The following SYNE1 variants were observed in gnomAD, a reference collection of about 807,000 sequenced individuals.
SYNE1 encodes spectrin repeat containing nuclear envelope protein 1.
In SYNE1, 616 loss-of-function variants were observed where a neutral mutation model predicts 1,111.0. The ratio of observed to expected loss-of-function variants is 0.55; its 90% CI spans 0.52 to 0.59. The LOEUF (loss-of-function observed/expected upper bound fraction) is 0.59. Ranked by LOEUF, SYNE1 falls within the 20% of genes least tolerant of loss-of-function variation. The pLI is 0.00. For missense variants in SYNE1, 10,006 were observed against 10,417.0 expected (o/e 0.96, Z 1.72); for synonymous variants, 3,855 against 3,825.8 (o/e 1.01, Z -0.28).
intron 32 of SYNE1, among the ~76,000 whole-genome samples, chr6:152,440,360 T>G (rs1283776845): frequency 6.6e-6 from 1 of 152,156 alleles, no homozygotes; most frequent in Admixed American, 6.5e-5. Context: ...AAAGTAATGC[T>G]TTAGGTCTTC....
At position 152,151,949 on chromosome 6, in the gene SYNE1, T is replaced by G; in HGVS notation, c.24312+10A>C. On this transcript the variant is annotated intron_variant, in intron 134 of 145. Transcript: ENST00000367255. ...TGGCCTCTAAATTACAGATGAGGCA[T>G]AGCAAAAACCTTGAGTCTGCGCAAG... 6.2e-7 allele frequency: 1 copy of G among 1,614,068 alleles called. No homozygotes were observed. The highest frequency in any genetic ancestry group is 8.5e-7 in the Non-Finnish European group (1 of 1,179,990).
At chr6:152,526,246 C>G (rs2099163146) in intron 4 of SYNE1, 71 bp from the exon 5 acceptor site, 3 of 1,477,078 alleles carry the variant, frequency 2.0e-6, no homozygotes, top group Non-Finnish European at 2.8e-6. Context: ...CTCTCTCTCA[C>G]CTTTGTTACT....
chr6:152,397,010 A>G (rs754887205), intron 49 of SYNE1, 30 bp from the exon 50 acceptor site: 1 of 1,601,944 alleles, frequency 6.2e-7, no homozygotes, highest in South Asian at 1.1e-5. Context: ...TAATAGGTCC[A>G]TGGGACTATG....
At chr6:152,454,613 A>T (rs1420733432) in intron 24 of SYNE1, among the ~76,000 whole-genome samples, 1 of 152,236 alleles carries the variant, frequency 6.6e-6, no homozygotes, top group African/African-American at 2.4e-5. Context: ...ACACATGCAC[A>T]TATTACATAT....
At chr6:152,384,549 T>A (rs1040998544) in intron 55 of SYNE1, among the ~76,000 whole-genome samples, 1 of 152,208 alleles carries the variant, frequency 6.6e-6, no homozygotes, top group Non-Finnish European at 1.5e-5. Context: ...TCATAAGATT[T>A]AAATAAGATA....
At chr6:152,348,465 A>G (rs1225717995) in intron 72 of SYNE1, among the ~76,000 whole-genome samples, 1 of 152,182 alleles carries the variant, frequency 6.6e-6, no homozygotes, top group African/African-American at 2.4e-5. Flanking sequence ...CTGGTGGATC[A>G]CCTGAGGTCA....
chr6:152,147,192 G>C (rs1240069838), intron 137 of SYNE1: 1 of 152,226 alleles, frequency 6.6e-6, no homozygotes, highest in African/African-American at 2.4e-5. Context: ...AGTCTTCTCT[G>C]TGTGATTTCT....
Position 152,145,368 on chromosome 6 carries a change from A to T in SYNE1, c.24977-1603T>A, listed in dbSNP as rs537468330. ...TTTTCTAGTACAGCAGTAAGAGAGG[A>T]AGGCTGTGCCTTAACATGCTAGAGC... On this transcript the variant is annotated intron_variant, in intron 137 of 145. Coordinates refer to ENST00000367255, the MANE Select transcript of SYNE1 (RefSeq NM_182961.4). 43 of 924,316 alleles carry T rather than the reference A, an allele frequency of 4.7e-5. No homozygotes were observed. In the East Asian group the frequency reaches 1.1e-3, roughly 23 times the overall value. The allele number at this position is 924,316 out of a possible 1,614,324, so 57.3% of individuals were successfully genotyped here. A position where few individuals can be genotyped will look rare whatever the true frequency, so the allele number is the denominator to read the frequency against.
At chr6:152,620,685 G>A (rs899904955) in intron 3 of SYNE1, among the ~76,000 whole-genome samples, 5 of 151,896 alleles carry the variant, frequency 3.3e-5, no homozygotes, top group Admixed American at 6.6e-5. Flanking sequence ...CCCATCCACC[G>A]TTCAACCCAT....
chr6:152,576,521 C>T (rs1428403050), intron 3 of SYNE1, among the ~76,000 whole-genome samples: 1 of 152,174 alleles, frequency 6.6e-6, no homozygotes. Flanking sequence ...CTTGTTAGAT[C>T]TGTCAGAGGT....
intron 128 of SYNE1, among the ~76,000 whole-genome samples, chr6:152,183,954 T>C (rs956630196): frequency 4.0e-5 from 6 of 149,658 alleles, no homozygotes; most frequent in Non-Finnish European, 6.0e-5. Flanking sequence ...ACTGACTAAC[T>C]GCATGATCAG....
intron 29 of SYNE1, among the ~76,000 whole-genome samples, chr6:152,445,725 T>C (rs2098580074): frequency 1.3e-5 from 2 of 152,080 alleles, no homozygotes; most frequent in Non-Finnish European, 2.9e-5. Context: ...AGTCTTTTTT[T>C]TTCTTACACT....
At chr6:152,420,592 C>G (rs970135119) in intron 39 of SYNE1, among the ~76,000 whole-genome samples, 2 of 152,156 alleles carry the variant, frequency 1.3e-5, no homozygotes, top group African/African-American at 2.4e-5. Flanking sequence ...TGCACTCCAG[C>G]CTGGGTGACA....
In SYNE1 at chr6:152,233,888, G is replaced by A. The variant is rs2083368822; in HGVS notation, c.20605C>T (p.Leu6869=). 1.2e-6 allele frequency: 2 copies of A among 1,614,182 alleles called. No individual in the cohort carries two copies. The highest frequency in any genetic ancestry group is 1.7e-6 in the Non-Finnish European group (2 of 1,180,036). The change falls in exon 112 of 146, where the codon CTA becomes TTA. Residue 6869 remains leucine (L), a synonymous_variant. Coordinates refer to ENST00000367255, the MANE Select transcript of SYNE1 (RefSeq NM_182961.4). ...VLSTGNQLLR[L]KKVDTATLRS... ...AGCGTGGCTGTGTCCACCTTTTTTA[G>A]TCGAAGGAGCTGATTTCCAGTACTC...
intron 69 of SYNE1, 116 bp from the exon 70 acceptor site, chr6:152,352,469 C>T: frequency 9.2e-7 from 1 of 1,088,606 alleles, no homozygotes; most frequent in Non-Finnish European, 1.3e-6. Flanking sequence ...GTGGCACAAT[C>T]TTGGCTCACT....
At chr6:152,198,625 C>T (rs2635444) in intron 127 of SYNE1, among the ~76,000 whole-genome samples, 31,322 of 152,016 alleles carry the variant, frequency 0.21, 3,304 homozygotes, top group Middle Eastern at 0.29. Context: ...ATTGAACACT[C>T]AGAGGCCACT....
At chr6:152,286,002 C>T (rs182547289) in intron 95 of SYNE1, among the ~76,000 whole-genome samples, 1 of 152,228 alleles carries the variant, frequency 6.6e-6, no homozygotes, top group Admixed American at 6.5e-5. Flanking sequence ...CCAATGTGCC[C>T]TTATTTGCAT....
chr6:152,236,425 CT>C, intron 109 of SYNE1, 122 bp from the exon 110 acceptor site: 1 of 734,266 alleles, frequency 1.4e-6, no homozygotes, highest in Non-Finnish European at 2.3e-6. Flanking sequence ...ACTATACTCA[CT>C]CAAGTAACAT....
At chr6:152,160,500 T>C (rs1204046424) in intron 131 of SYNE1, among the ~76,000 whole-genome samples, 1 of 152,190 alleles carries the variant, frequency 6.6e-6, no homozygotes, top group Non-Finnish European at 1.5e-5. Context: ...ATTCCCTTTT[T>C]CTTTCTCCTG....
Sources: allele counts gnomAD v4.1 joint callset (sites outside exome capture counted in the v4.1 genomes callset), GRCh38; gene constraint gnomAD v4.1.1; transcripts MANE v1.5; gene names NCBI Gene and HGNC (gene_info 2026-07-23, HGNC 2026-07-21).